The following KANSL1 variants were observed in gnomAD, a reference collection of about 807,000 sequenced individuals.
KANSL1 encodes the protein MLL1/MLL complex subunit KANSL1.
In KANSL1, 22 loss-of-function variants were observed where a neutral mutation model predicts 103.6. The ratio of observed to expected loss-of-function variants is 0.21; its 90% CI spans 0.15 to 0.30. The LOEUF (loss-of-function observed/expected upper bound fraction) is 0.30. KANSL1 is among the 10% of genes least tolerant of loss of function. KANSL1 has a pLI of 1.00. For synonymous variants in KANSL1, 600 were observed against 527.6 expected, an observed-to-expected ratio of 1.14 and a Z score of -1.88; for missense variants, 1,337 against 1,399.8, an observed-to-expected ratio of 0.96 and a Z score of 0.72.
At chr17:46,081,210 T>C (rs1317702426) in intron 4 of KANSL1, among the ~76,000 whole-genome samples, 1 of 152,190 alleles carries the variant, frequency 6.6e-6, no homozygotes, top group Non-Finnish European at 1.5e-5. Context: ...AAGTTTGGAA[T>C]CCCTAAATTC....
At chr17:46,217,697 T>TG (rs755725538) in intron 1 of KANSL1, among the ~76,000 whole-genome samples, 1 of 152,226 alleles carries the variant, frequency 6.6e-6, no homozygotes. Flanking sequence ...GAGACCAGCC[T>TG]GGGCAACAAG....
chr17:46,149,280 C>T (rs969432360), intron 2 of KANSL1, among the ~76,000 whole-genome samples: 5 of 152,244 alleles, frequency 3.3e-5, no homozygotes, highest in South Asian at 2.1e-4. Context: ...GGATTACAGG[C>T]GTAAGCCACT....
chr17:46,196,681 T>C (rs2047621227), upstream of KANSL1: 1 of 276,738 alleles, frequency 3.6e-6, no homozygotes, highest in Non-Finnish European at 7.1e-6. Flanking sequence ...CTTAAGCCAA[T>C]TTGAGTTAGG....
intron 6 of KANSL1, among the ~76,000 whole-genome samples, chr17:46,062,380 G>C (rs1217470541): frequency 1.8e-5 from 1 of 54,804 alleles, no homozygotes; most frequent in Non-Finnish European, 4.3e-5. Context: ...TTTTTTTTTA[G>C]ATGGACTCTC....
intron 1 of KANSL1, 42 bp downstream of exon 1, chr17:46,192,781 G>C (rs2047406784): frequency 6.3e-6 from 1 of 158,566 alleles, no homozygotes. Context: ...GAAGGAGAAA[G>C]GGCAGCAGGA....
chr17:46,092,617 A>G (rs750473144), intron 3 of KANSL1, among the ~76,000 whole-genome samples: 2 of 151,612 alleles, frequency 1.3e-5, no homozygotes, highest in Non-Finnish European at 2.9e-5. Flanking sequence ...CACATACGTA[A>G]CATGACTGTA....
At chr17:46,200,745 AT>A (rs2047775650) in intron 1 of KANSL1, among the ~76,000 whole-genome samples, 1 of 107,780 alleles carries the variant, frequency 9.3e-6, no homozygotes, top group Non-Finnish European at 2.4e-5. Context: ...CTGTCTCAAA[AT>A]ATATATATAT....
At chr17:46,050,462 G>C (rs1235603780) in intron 7 of KANSL1, 71 bp downstream of exon 7, 1 of 1,457,828 alleles carries the variant, frequency 6.9e-7, no homozygotes, top group Non-Finnish European at 9.4e-7. Flanking sequence ...CTGCACCTTG[G>C]CTGATTTTCT....
intron 1 of KANSL1, among the ~76,000 whole-genome samples, chr17:46,173,778 A>C (rs955871794): frequency 6.6e-6 from 1 of 152,220 alleles, no homozygotes; most frequent in African/African-American, 2.4e-5. Context: ...TCCACTTAAG[A>C]TGTCCTTGAT....
intron 3 of KANSL1, among the ~76,000 whole-genome samples, chr17:46,092,188 TAAC>T (rs2079422608): frequency 6.6e-6 from 1 of 152,226 alleles, no homozygotes; most frequent in African/African-American, 2.4e-5. Flanking sequence ...TGAAATCACC[TAAC>T]AACACATTTC....
intron 1 of KANSL1, among the ~76,000 whole-genome samples, chr17:46,219,090 A>G (rs981120519): frequency 1.3e-5 from 2 of 151,800 alleles, no homozygotes; most frequent in Admixed American, 6.6e-5. Flanking sequence ...GTGAAACCCC[A>G]TCTCTACTAA....
At chr17:46,105,667 G>A (rs995994423) in intron 2 of KANSL1, among the ~76,000 whole-genome samples, 3 of 151,782 alleles carry the variant, frequency 2.0e-5, no homozygotes, top group South Asian at 2.1e-4. Context: ...TCAGGACTTC[G>A]AGACCAGCCT....
In KANSL1 at chr17:46,187,890, T is replaced by C. The variant is rs1230705471; in HGVS notation, c.-90+4933A>G. Among the ~76,000 whole-genome samples the C allele has an allele frequency of 3.9e-5, 6 of 152,392 alleles. No homozygotes were observed. The East Asian group carries it at 1.2e-3, about 29-fold the overall frequency. On this transcript the variant is annotated intron_variant, in intron 1 of 14. Transcript: ENST00000432791. The stretch of plus-strand genomic sequence containing the variant: ...ATTCATAAACATGAGCTGTGTTTTC[T>C]ACTTTGGTCAAGTCAGTTTCCGCAC...
intron 2 of KANSL1, among the ~76,000 whole-genome samples, chr17:46,127,801 G>T (rs1184429248): frequency 2.6e-5 from 4 of 151,922 alleles, no homozygotes. Flanking sequence ...GTTAAATGCT[G>T]ATGACTGAAT....
intron 2 of KANSL1, among the ~76,000 whole-genome samples, chr17:46,105,204 C>A (rs2042479866): frequency 6.6e-6 from 1 of 152,210 alleles, no homozygotes; most frequent in Non-Finnish European, 1.5e-5. Flanking sequence ...CAAAGTACTG[C>A]CATTCCAGAG....
chr17:46,130,552 G>C (rs1024016448), intron 2 of KANSL1, among the ~76,000 whole-genome samples: 1 of 152,198 alleles, frequency 6.6e-6, no homozygotes, highest in Non-Finnish European at 1.5e-5. Context: ...TTCAGGAAAG[G>C]ATAGAACGAA....
intron 2 of KANSL1, among the ~76,000 whole-genome samples, chr17:46,099,752 T>C (rs1199108913): frequency 6.6e-6 from 1 of 152,252 alleles, no homozygotes; most frequent in Non-Finnish European, 1.5e-5. Flanking sequence ...TCCTAGTCCA[T>C]ACAAAAACAT....
At chr17:46,215,800 G>A (rs968136337) in intron 1 of KANSL1, among the ~76,000 whole-genome samples, 2 of 152,206 alleles carry the variant, frequency 1.3e-5, no homozygotes, top group African/African-American at 2.4e-5. Context: ...CAGCACTTTG[G>A]GAGGCTGAGG....
At chr17:46,192,655 G>C (rs917608515) in intron 1 of KANSL1, 168 bp downstream of exon 1, 5 of 153,202 alleles carry the variant, frequency 3.3e-5, no homozygotes, top group African/African-American at 1.2e-4. Flanking sequence ...CGGACCCGCA[G>C]CAGGGAAGCC....
Sources: gnomAD v4.1 joint callset for allele counts (sites outside exome capture counted in the v4.1 genomes callset) on GRCh38, gnomAD v4.1.1 for gene constraint, MANE v1.5 for transcripts, NCBI Gene and HGNC (gene_info 2026-07-23, HGNC 2026-07-21) for gene names.